CLSTN2: variants seen among roughly 807,000 people sequenced by gnomAD.
CLSTN2 encodes calsyntenin-2.
In CLSTN2, 48 loss-of-function variants were observed where a neutral mutation model predicts 101.2. The observed-to-expected ratio is 0.47, with a 90% CI of 0.38 to 0.60. The LOEUF is 0.60. Ranked by LOEUF, CLSTN2 falls within the 20% of genes least tolerant of loss-of-function variation. CLSTN2 has a pLI of 0.00. For missense variants in CLSTN2, 1,160 were observed against 1,238.2 expected, an observed-to-expected ratio of 0.94 and a Z score of 0.95; for synonymous variants, 481 against 463.6, an observed-to-expected ratio of 1.04 and a Z score of -0.48.
chr3:140,438,225 G>A (rs576583859), intron 5 of CLSTN2, among the ~76,000 whole-genome samples: 1 of 152,050 alleles, frequency 6.6e-6, no homozygotes, highest in South Asian at 2.1e-4. Flanking sequence ...AACCATTTGT[G>A]ACAGTGTACA....
chr3:140,133,054 T>C (rs1330679696), intron 1 of CLSTN2, among the ~76,000 whole-genome samples: 3 of 152,230 alleles, frequency 2.0e-5, no homozygotes, highest in African/African-American at 4.8e-5. Context: ...TTCAGCAGGC[T>C]ACACAAGCAT....
intron 8 of CLSTN2, among the ~76,000 whole-genome samples, chr3:140,518,509 C>T (rs996045770): frequency 6.6e-6 from 1 of 152,194 alleles, no homozygotes; most frequent in Non-Finnish European, 1.5e-5. Context: ...TCCTGTTTTT[C>T]ACTTGGCTCT....
At chr3:140,102,631 C>T (rs895301092) in intron 1 of CLSTN2, among the ~76,000 whole-genome samples, 4 of 152,184 alleles carry the variant, frequency 2.6e-5, no homozygotes, top group Non-Finnish European at 4.4e-5. Context: ...TCTTCTATGA[C>T]CTACATGACT....
At chr3:140,276,496 T>G (rs576369972) in intron 2 of CLSTN2, among the ~76,000 whole-genome samples, 7 of 152,094 alleles carry the variant, frequency 4.6e-5, no homozygotes, top group Non-Finnish European at 7.4e-5. Flanking sequence ...CTCTTGAGAC[T>G]AGGAATTGAG....
intron 1 of CLSTN2, among the ~76,000 whole-genome samples, chr3:140,162,770 G>A (rs2010069082): frequency 6.6e-6 from 1 of 152,128 alleles, no homozygotes; most frequent in African/African-American, 2.4e-5. Flanking sequence ...TCTGAAGCAT[G>A]GAGAAGCAGG....
At chr3:140,529,971 G>A (rs1247782480) in intron 8 of CLSTN2, among the ~76,000 whole-genome samples, 1 of 152,154 alleles carries the variant, frequency 6.6e-6, no homozygotes, top group Non-Finnish European at 1.5e-5. Context: ...TAACCTCTGT[G>A]AGTAGGAGTA....
At chr3:140,001,619 C>G (rs926834612) in intron 1 of CLSTN2, among the ~76,000 whole-genome samples, 1 of 151,930 alleles carries the variant, frequency 6.6e-6, no homozygotes, top group South Asian at 2.1e-4. Flanking sequence ...GTGTTACAAA[C>G]GATCCAAAAT....
At chr3:140,181,496 G>C (rs1379518980) in intron 2 of CLSTN2, among the ~76,000 whole-genome samples, 2 of 152,112 alleles carry the variant, frequency 1.3e-5, no homozygotes, top group East Asian at 3.9e-4. Flanking sequence ...GTACTGTCAA[G>C]GTATGTTGCC....
intron 2 of CLSTN2, among the ~76,000 whole-genome samples, chr3:140,378,533 T>C (rs1357893271): frequency 6.6e-6 from 1 of 152,246 alleles, no homozygotes; most frequent in Non-Finnish European, 1.5e-5. Context: ...TTAATCTGTT[T>C]ATTTATTGTT....
At chr3:140,381,582 G>A (rs1039078348) in intron 2 of CLSTN2, among the ~76,000 whole-genome samples, 1 of 152,186 alleles carries the variant, frequency 6.6e-6, no homozygotes, top group Admixed American at 6.5e-5. Flanking sequence ...ATAAATGTGA[G>A]TTCTCATTGT....
intron 2 of CLSTN2, among the ~76,000 whole-genome samples, chr3:140,390,387 G>C (rs2088100060): frequency 1.3e-5 from 2 of 151,886 alleles, no homozygotes; most frequent in South Asian, 4.2e-4. Flanking sequence ...AACGTGTACT[G>C]TTTAATTTAC....
chr3:140,341,091 T>G (rs370820434), intron 2 of CLSTN2, among the ~76,000 whole-genome samples: 1 of 152,252 alleles, frequency 6.6e-6, no homozygotes, highest in East Asian at 1.9e-4. Flanking sequence ...AAAATTACTC[T>G]CCCTGACCCT....
intron 2 of CLSTN2, among the ~76,000 whole-genome samples, chr3:140,373,060 C>G (rs1238403534): frequency 2.6e-5 from 4 of 152,066 alleles, no homozygotes; most frequent in Non-Finnish European, 4.4e-5. Context: ...AGATTGAGAC[C>G]CTGCCTCTAA....
intron 2 of CLSTN2, among the ~76,000 whole-genome samples, chr3:140,220,510 C>A (rs2086258169): frequency 6.6e-6 from 1 of 152,178 alleles, no homozygotes; most frequent in African/African-American, 2.4e-5. Context: ...ACCAGGCATC[C>A]TTGCCTGGGC....
intron 1 of CLSTN2, among the ~76,000 whole-genome samples, chr3:140,138,780 G>A (rs1477421063): frequency 4.6e-5 from 7 of 152,178 alleles, no homozygotes; most frequent in South Asian, 2.1e-4. Flanking sequence ...AGGGAGAAAT[G>A]TACAAAGTGA....
At chr3:140,116,471 C>T (rs945434433) in intron 1 of CLSTN2, among the ~76,000 whole-genome samples, 1 of 152,080 alleles carries the variant, frequency 6.6e-6, no homozygotes, top group Non-Finnish European at 1.5e-5. Context: ...CAGGAATTTA[C>T]CTTGAATTGA....
intron 1 of CLSTN2, among the ~76,000 whole-genome samples, chr3:139,975,609 T>A (rs904071197): frequency 6.6e-6 from 1 of 152,088 alleles, no homozygotes; most frequent in African/African-American, 2.4e-5. Context: ...CTCAGACACA[T>A]GTGAAGATAG....
At chr3:140,281,627 A>C (rs557526587) in intron 2 of CLSTN2, among the ~76,000 whole-genome samples, 8 of 152,150 alleles carry the variant, frequency 5.3e-5, no homozygotes, top group Non-Finnish European at 1.0e-4. Flanking sequence ...GATTTTATGG[A>C]TTTAAAAATC....
intron 9 of CLSTN2, among the ~76,000 whole-genome samples, chr3:140,536,715 T>C (rs1220730424): frequency 6.6e-6 from 1 of 152,178 alleles, no homozygotes; most frequent in Non-Finnish European, 1.5e-5. Flanking sequence ...ATTCTTAAGA[T>C]CTTTAAAATT....
Sources: gnomAD v4.1 joint callset for allele counts (sites outside exome capture counted in the v4.1 genomes callset) on GRCh38, gnomAD v4.1.1 for gene constraint, MANE v1.5 for transcripts, NCBI Gene and HGNC (gene_info 2026-07-23, HGNC 2026-07-21) for gene names.